MICAL2: variants seen among roughly 807,000 people sequenced by gnomAD.
The protein encoded by MICAL2 is microtubule associated monooxygenase, calponin and LIM domain containing 2.
MICAL2 carries 77 observed loss-of-function variants against 127.3 expected under a neutral mutation model. The ratio of observed to expected loss-of-function variants is 0.60; its 90% CI spans 0.50 to 0.73. The LOEUF (loss-of-function observed/expected upper bound fraction) is 0.73. Among genes scored for constraint, MICAL2 ranks in the 30% least tolerant of loss-of-function variants. The probability of loss-of-function intolerance (pLI) is 0.00; values close to 1 mark genes in which losing one functional copy is unlikely to be tolerated. For missense variants in MICAL2, 1,351 were observed against 1,434.4 expected (o/e 0.94, Z 0.94); for synonymous variants, 570 against 551.1 (o/e 1.03, Z -0.48).
At chr11:12,113,550 C>G (rs977493797) in intron 1 of MICAL2, among the ~76,000 whole-genome samples, 1 of 152,258 alleles carries the variant, frequency 6.6e-6, no homozygotes, top group African/African-American at 2.4e-5. Context: ...AGTCATCTCC[C>G]TTATCCGCGG....
At chr11:12,337,186 G>A (rs1281646269) in intron 32 of MICAL2, among the ~76,000 whole-genome samples, 4 of 152,154 alleles carry the variant, frequency 2.6e-5, no homozygotes, top group African/African-American at 7.2e-5. Flanking sequence ...TCTTCGGAGG[G>A]TGTATGTGTC....
chr11:12,360,760 G>T (rs1484550019), downstream of MICAL2, among the ~76,000 whole-genome samples: 1 of 152,212 alleles, frequency 6.6e-6, no homozygotes, highest in African/African-American at 2.4e-5. Flanking sequence ...TTGTTCACTT[G>T]CTTTCACAGG....
chr11:12,293,989 G>A, downstream of MICAL2: 1 of 1,614,206 alleles, frequency 6.2e-7, no homozygotes, highest in Admixed American at 1.7e-5. Context: ...TCACTCAGGA[G>A]CAGAAGACCA....
At chr11:12,129,568 G>C (rs1190429618) in intron 1 of MICAL2, among the ~76,000 whole-genome samples, 1 of 150,828 alleles carries the variant, frequency 6.6e-6, no homozygotes, top group African/African-American at 2.4e-5. Context: ...TCCTAAAGAG[G>C]ACTGGGAGGA....
chr11:12,293,234 C>T (rs1275073073), downstream of MICAL2, among the ~76,000 whole-genome samples: 1 of 152,114 alleles, frequency 6.6e-6, no homozygotes, highest in African/African-American at 2.4e-5. Context: ...CCAGCCAGTC[C>T]TACCATCATG....
rs114584465 is a variant in MICAL2, at chr11:12,262,720, C to T, written c.*17+183C>T. 3.3e-3 allele frequency: 1,917 copies of T among 588,482 alleles called. 22 individuals carry two copies. The highest frequency in any genetic ancestry group is 0.023 in the African/African-American group (1,225 of 54,020). 36.5% of individuals were successfully genotyped at this position (588,482 alleles called of 1,614,324 possible). ...GGGGGTGTTCAGCTTGAGACCCATG[C>T]CTGTGTTCATTTCCCATGGAGCTGG... On this transcript the variant is annotated intron_variant, in intron 27 of 27. Coordinates refer to ENST00000683283, the MANE Select transcript of MICAL2 (RefSeq NM_001282663.2).
In MICAL2 at chr11:12,236,193, G is replaced by A; in HGVS notation, c.2012G>A (p.Gly671Glu). 1.9e-6 allele frequency: 3 copies of A among 1,614,176 alleles called. No homozygotes were observed. Among genetic ancestry groups the A allele is most frequent in the Non-Finnish European group, 1.7e-6 (2 of 1,180,022 alleles). The change falls in exon 16 of 28, where the codon GGA becomes GAA. Residue 671 changes from glycine to glutamate, a missense_variant. Around this residue, in one of 2 missense-constraint regions of MICAL2, gnomAD observed 752 missense variants for 719.4 expected, o/e 1.05. Coordinates refer to ENST00000683283, the MANE Select transcript of MICAL2 (RefSeq NM_001282663.2). ...CCATTGCAGGTGGATGGTCAAACCG[G>A]AGAGAATGACATGAACAAACGGAGA... ...KRTPRVDGQT[G>E]ENDMNKRRRK...
intron 2 of MICAL2, among the ~76,000 whole-genome samples, chr11:12,155,294 C>T (rs1327382461): frequency 6.6e-6 from 1 of 152,150 alleles, no homozygotes; most frequent in East Asian, 1.9e-4. Context: ...TTTGCATACT[C>T]ACCACACATA....
intron 3 of MICAL2, among the ~76,000 whole-genome samples, chr11:12,180,349 A>ATAT (rs11403732): frequency 7.5e-4 from 105 of 139,710 alleles, no homozygotes; most frequent in African/African-American, 2.3e-3. Flanking sequence ...ATATGTATAT[A>ATAT]TTTTTTTTTT....
At chr11:12,213,215 T>C in intron 6 of MICAL2, 40 bp from the exon 7 acceptor site, 1 of 1,566,068 alleles carries the variant, frequency 6.4e-7, no homozygotes, top group South Asian at 1.2e-5. Context: ...TCACACCAAA[T>C]CCAGAAGATA....
chr11:12,242,804 C>G (rs774282911), intron 20 of MICAL2, 32 bp downstream of exon 20: 2 of 1,516,418 alleles, frequency 1.3e-6, no homozygotes, highest in Non-Finnish European at 1.8e-6. Flanking sequence ...CCCCCAGGAA[C>G]CTGATGCTGG....
chr11:12,293,953 G>T, downstream of MICAL2: 1 of 1,613,902 alleles, frequency 6.2e-7, no homozygotes, highest in Non-Finnish European at 8.5e-7. Flanking sequence ...TGGTAAAGGA[G>T]AAGTTGGGCC....
intron 1 of MICAL2, among the ~76,000 whole-genome samples, chr11:12,118,360 G>A (rs898683065): frequency 6.6e-6 from 1 of 152,038 alleles, no homozygotes; most frequent in African/African-American, 2.4e-5. Flanking sequence ...TACTTTTTTG[G>A]CAGCTGTTGT....
intron 22 of MICAL2, chr11:12,249,919 G>A (rs1003875945): frequency 6.6e-6 from 1 of 152,326 alleles, no homozygotes; most frequent in Non-Finnish European, 1.5e-5. Flanking sequence ...GAATAAGACA[G>A]GTCACTCAGG....
intron 29 of MICAL2, among the ~76,000 whole-genome samples, chr11:12,310,448 T>A (rs1187231634): frequency 2.0e-5 from 3 of 152,192 alleles, no homozygotes; most frequent in Non-Finnish European, 4.4e-5. Context: ...TTCCCCAATG[T>A]ATGTTCTTGG....
At chr11:12,281,569 G>A (rs11820919) in intron 2 of MICAL2, among the ~76,000 whole-genome samples, 3,176 of 152,314 alleles carry the variant, frequency 0.021, 117 homozygotes, top group African/African-American at 0.072. Context: ...CATTACCAGT[G>A]TTTGGGGCTT....
intron 3 of MICAL2, among the ~76,000 whole-genome samples, chr11:12,187,626 G>T (rs1325041725): frequency 1.3e-5 from 2 of 152,236 alleles, no homozygotes; most frequent in Non-Finnish European, 2.9e-5. Flanking sequence ...AGGCTTTGTT[G>T]TAGCGGTTCC....
chr11:12,124,640 C>A (rs1850768538), intron 1 of MICAL2, among the ~76,000 whole-genome samples: 1 of 152,176 alleles, frequency 6.6e-6, no homozygotes, highest in Admixed American at 6.5e-5. Flanking sequence ...TTGCAAATGT[C>A]TAAATATCCT....
chr11:12,294,193 G>A (rs370940849), downstream of MICAL2: 49 of 1,613,958 alleles, frequency 3.0e-5, no homozygotes, highest in East Asian at 1.8e-4. Context: ...GGACCCCTGC[G>A]GAACAAGCTC....
Sources: gnomAD v4.1 joint callset for allele counts (sites outside exome capture counted in the v4.1 genomes callset) on GRCh38, gnomAD v4.1.1 for gene constraint, gnomAD v4.1.1 regional missense constraint, MANE v1.5 for transcripts, NCBI Gene and HGNC (gene_info 2026-07-23, HGNC 2026-07-21) for gene names.